ESR1: variants seen among roughly 807,000 people sequenced by gnomAD.
ESR1 encodes estrogen receptor.
A neutral mutation model predicts 52.7 loss-of-function variants in ESR1; 12 were observed. The ratio of observed to expected loss-of-function variants is 0.23; its 90% CI spans 0.15 to 0.37. The LOEUF (loss-of-function observed/expected upper bound fraction) is 0.37. ESR1 is among the 10% of genes least tolerant of loss of function. ESR1 has a pLI of 1.00. For synonymous variants in ESR1, 305 were observed against 316.8 expected (o/e 0.96, Z 0.39); for missense variants, 584 against 779.7 (o/e 0.75, Z 2.99).
At chr6:151,927,035 G>T (rs1483618344) in intron 3 of ESR1, among the ~76,000 whole-genome samples, 1 of 152,002 alleles carries the variant, frequency 6.6e-6, no homozygotes, top group Non-Finnish European at 1.5e-5. Flanking sequence ...TTCTGAATTT[G>T]CTGAGTTTTT....
intron 5 of ESR1, among the ~76,000 whole-genome samples, chr6:152,047,073 C>T (rs909894251): frequency 3.9e-5 from 6 of 152,146 alleles, no homozygotes; most frequent in South Asian, 2.1e-4. Context: ...TTGTCACTCA[C>T]GCCTTCATTT....
chr6:151,838,227 G>A (rs930020213), intron 1 of ESR1, among the ~76,000 whole-genome samples: 8 of 152,186 alleles, frequency 5.3e-5, no homozygotes, highest in African/African-American at 1.4e-4. Context: ...GGCCGAAGGA[G>A]CAGAAGAAGG....
At chr6:152,083,147 G>T (rs1386909339) in intron 6 of ESR1, among the ~76,000 whole-genome samples, 6 of 152,132 alleles carry the variant, frequency 3.9e-5, no homozygotes, top group Non-Finnish European at 8.8e-5. Flanking sequence ...AAAAGAGCCT[G>T]CATAGCCAAG....
chr6:152,066,475 T>C (rs1379432782), intron 6 of ESR1, among the ~76,000 whole-genome samples: 1 of 152,212 alleles, frequency 6.6e-6, no homozygotes, highest in African/African-American at 2.4e-5. Flanking sequence ...AAATTGTAAA[T>C]GGGCACATTG....
intron 2 of ESR1, among the ~76,000 whole-genome samples, chr6:151,764,289 CTGAG>C (rs746621858): frequency 7.4e-4 from 112 of 152,154 alleles, no homozygotes; most frequent in Non-Finnish European, 1.4e-3. Context: ...TTTTTTCTGC[CTGAG>C]TAACAGAAGA....
rs975546721 is a variant in ESR1 at position 151,808,226 on chromosome 6, C to T, written c.314C>T (p.Pro105Leu). Residue 105 changes from proline (P) to leucine (L), a missense_variant, in exon 1 of 8, where the codon CCG becomes CTG. Coordinates refer to ENST00000206249, the MANE Select transcript of ESR1 (RefSeq NM_000125.4). ...TTCCCCCCACTCAACAGCGTGTCTCCGAGCCCGCTGATGCTACTGCACCCG... is the reference window on the plus strand; with the variant it reads ...TTCCCCCCACTCAACAGCGTGTCTCTGAGCCCGCTGATGCTACTGCACCCG... ...GGFPPLNSVS[P>L]SPLMLLHPPP... 5 of 1,571,032 alleles carry T rather than the reference C, an allele frequency of 3.2e-6. No homozygotes were observed. In the African/African-American group the frequency reaches 6.7e-5, roughly 21 times the overall value.
At chr6:151,725,466 A>C (rs1181774016) in intron 2 of ESR1, among the ~76,000 whole-genome samples, 1 of 152,232 alleles carries the variant, frequency 6.6e-6, no homozygotes, top group African/African-American at 2.4e-5. Context: ...TTGAGACTAT[A>C]GAGTTTCTTG....
At chr6:152,122,729 G>A (rs1054910151) in intron 6 of ESR1, 22 of 1,609,258 alleles carry the variant, frequency 1.4e-5, no homozygotes, top group East Asian at 4.5e-5. Flanking sequence ...TCGGAGGGAC[G>A]CTGCTTTTTG....
chr6:151,696,465 C>G (rs542557859), intron 1 of ESR1, among the ~76,000 whole-genome samples: 1 of 143,234 alleles, frequency 7.0e-6, no homozygotes, highest in Admixed American at 7.6e-5. Context: ...TAGAGAGACT[C>G]CATCTCAAAT....
intron 6 of ESR1, among the ~76,000 whole-genome samples, chr6:152,087,239 T>C (rs1461348282): frequency 6.6e-6 from 1 of 152,186 alleles, no homozygotes; most frequent in South Asian, 2.1e-4. Flanking sequence ...TGTGGCAGTA[T>C]TGGCATTAGG....
chr6:151,786,235 G>A (rs868220174), intron 2 of ESR1, among the ~76,000 whole-genome samples: 1 of 152,182 alleles, frequency 6.6e-6, no homozygotes, highest in Admixed American at 6.5e-5. Flanking sequence ...TTTCCCAGGA[G>A]ACTTTCTGAT....
intron 6 of ESR1, among the ~76,000 whole-genome samples, chr6:152,124,558 G>A (rs997163303): frequency 3.9e-5 from 6 of 152,022 alleles, no homozygotes; most frequent in Admixed American, 3.3e-4. Context: ...TTTACTGTTC[G>A]ATGTTTTTGT....
intron 2 of ESR1, among the ~76,000 whole-genome samples, chr6:151,728,666 C>T (rs1346365704): frequency 1.3e-5 from 2 of 152,056 alleles, no homozygotes; most frequent in Non-Finnish European, 2.9e-5. Context: ...AACATACCTG[C>T]CCCCCATCCA....
intron 5 of ESR1, among the ~76,000 whole-genome samples, chr6:152,051,548 C>G (rs893154009): frequency 6.6e-5 from 10 of 152,118 alleles, no homozygotes; most frequent in African/African-American, 2.4e-4. Flanking sequence ...CTCTGTATGT[C>G]TTTTGCAGGC....
intron 3 of ESR1, among the ~76,000 whole-genome samples, chr6:151,907,694 A>G (rs1797663766): frequency 6.6e-6 from 1 of 152,156 alleles, no homozygotes; most frequent in African/African-American, 2.4e-5. Flanking sequence ...ACAGTTTTCA[A>G]CATGACTGGG....
rs144254691 is a variant in ESR1 at position 151,818,717 on chromosome 6, C to T, written c.452+10353C>T. On this transcript the variant is annotated intron_variant, in intron 1 of 7. Transcript: ENST00000206249. ...TTTTCTCTTATTGCTGTTAGGAGTT[C>T]CTCATTGGTTTTTCAGCTTTTGGGC... 5.5e-3 allele frequency among the ~76,000 whole-genome samples: 834 copies of T among 152,014 alleles called. 9 individuals carry two copies. The highest frequency in any genetic ancestry group is 0.019 in the African/African-American group (783 of 41,450).
chr6:151,803,861 T>C (rs1362216524), upstream of ESR1, among the ~76,000 whole-genome samples: 1 of 152,166 alleles, frequency 6.6e-6, no homozygotes, highest in Non-Finnish European at 1.5e-5. Flanking sequence ...ACAGTGATGC[T>C]GGGCACAGAC....
chr6:151,776,175 A>T (rs1262476896), intron 2 of ESR1, among the ~76,000 whole-genome samples: 4 of 152,182 alleles, frequency 2.6e-5, no homozygotes, highest in Non-Finnish European at 5.9e-5. Flanking sequence ...AGAAACATCC[A>T]TTGGAGGCCT....
At chr6:152,081,745 G>A (rs2049237619) in intron 6 of ESR1, among the ~76,000 whole-genome samples, 1 of 151,828 alleles carries the variant, frequency 6.6e-6, no homozygotes, top group East Asian at 1.9e-4. Context: ...TAATAAAGAA[G>A]AAAAGAGAGA....
Sources: gnomAD v4.1 joint callset for allele counts (sites outside exome capture counted in the v4.1 genomes callset) on GRCh38, gnomAD v4.1.1 for gene constraint, MANE v1.5 for transcripts, NCBI Gene and HGNC (gene_info 2026-07-23, HGNC 2026-07-21) for gene names.